AP1S2: variants seen among roughly 807,000 people sequenced by gnomAD.
The protein encoded by AP1S2 is adaptor related protein complex 1 subunit sigma 2.
Under a neutral mutation model 14.3 loss-of-function variants are expected in AP1S2, and 1 was observed. The observed-to-expected ratio is 0.07, with a 90% confidence interval of 0.02 to 0.33. The LOEUF (loss-of-function observed/expected upper bound fraction) is 0.33, where lower values mean the gene tolerates loss of function less well. Among genes scored for constraint, AP1S2 ranks in the 10% least tolerant of loss-of-function variants. The probability of loss-of-function intolerance (pLI) is 0.99; values close to 1 mark genes in which losing one functional copy is unlikely to be tolerated. For synonymous variants in AP1S2, 30 were observed against 40.5 expected (o/e 0.74, Z 0.99); for missense variants, 30 against 117.7 (o/e 0.25, Z 3.45).
chrX:15,854,310 C>G (rs760511267), intron 1 of AP1S2, among the ~76,000 whole-genome samples: 2 of 112,025 alleles, frequency 1.8e-5, no homozygotes, highest in Admixed American at 9.3e-5. Flanking sequence ...TGACCAAGCC[C>G]GGGAGAGGTG....
chrX:15,831,858 T>C (rs1216155324), intron 4 of AP1S2: 2 of 732,151 alleles, frequency 2.7e-6, no homozygotes, highest in Non-Finnish European at 3.2e-6. Context: ...GAAAAGATTT[T>C]CAGTGTAAGT....
intron 2 of AP1S2, among the ~76,000 whole-genome samples, chrX:15,850,371 G>A (rs186523071): frequency 4.3e-4 from 47 of 110,321 alleles, no homozygotes; most frequent in African/African-American, 1.4e-3. Context: ...TGTTGTTGTC[G>A]TTGAGGGTCT....
intron 4 of AP1S2, among the ~76,000 whole-genome samples, chrX:15,834,732 G>A (rs1933578454): frequency 2.0e-5 from 2 of 99,733 alleles, no homozygotes; most frequent in Middle Eastern, 5.1e-3. Flanking sequence ...TGATCCACCC[G>A]CCTCAGCCTC....
chrX:15,835,831 A>G (rs184732978), intron 4 of AP1S2, among the ~76,000 whole-genome samples: 61 of 111,320 alleles, frequency 5.5e-4, no homozygotes, highest in East Asian at 3.6e-3. Context: ...GCTTGTTTTT[A>G]CACTTCTGGA....
chrX:15,850,112 C>T (rs145737243), intron 2 of AP1S2, among the ~76,000 whole-genome samples: 1,564 of 111,519 alleles, frequency 0.014, 15 homozygotes, highest in Non-Finnish European at 0.022. Flanking sequence ...GTCCCTTCTT[C>T]ATCTCCTTTG....
chrX:15,848,422 C>G (rs1719488462), intron 2 of AP1S2, among the ~76,000 whole-genome samples: 2 of 111,542 alleles, frequency 1.8e-5, no homozygotes, highest in Admixed American at 9.5e-5. Flanking sequence ...GACTCTAGAG[C>G]CCAAGTTTTA....
At chrX:15,837,646 C>T (rs775448013) in intron 4 of AP1S2, among the ~76,000 whole-genome samples, 6 of 90,327 alleles carry the variant, frequency 6.6e-5, no homozygotes, top group East Asian at 3.6e-4. Flanking sequence ...CTTACTCTGT[C>T]GCCAGGCTAG....
chrX:15,844,436 C>T (rs924206198), intron 4 of AP1S2, among the ~76,000 whole-genome samples: 5 of 112,455 alleles, frequency 4.4e-5, no homozygotes, highest in African/African-American at 1.6e-4. Context: ...GGAAAATGAA[C>T]CAGTGAGCCA....
chrX:15,844,618 T>C (rs1044097583), intron 4 of AP1S2, among the ~76,000 whole-genome samples: 2 of 112,467 alleles, frequency 1.8e-5, no homozygotes, highest in Admixed American at 1.9e-4. Context: ...TGAATTAAGG[T>C]ATCATTAAGT....
chrX:15,854,273 C>A (rs1183895346), intron 1 of AP1S2, among the ~76,000 whole-genome samples: 1 of 111,579 alleles, frequency 9.0e-6, no homozygotes, highest in Non-Finnish European at 1.9e-5. Context: ...GTGCCTCCCC[C>A]CCACTCCCGT....
At chrX:15,834,456 A>ATATATG (rs1933543970) in intron 4 of AP1S2, among the ~76,000 whole-genome samples, 2 of 30,630 alleles carry the variant, frequency 6.5e-5, no homozygotes, top group Non-Finnish European at 1.1e-4. Context: ...ATATATATAT[A>ATATATG]TATATATATA....
intron 4 of AP1S2, among the ~76,000 whole-genome samples, chrX:15,834,331 G>GA (rs1160100860): frequency 1.1e-4 from 10 of 95,150 alleles, no homozygotes; most frequent in African/African-American, 2.7e-4. Context: ...ATGAATTAAA[G>GA]AAAAAAAAAG....
intron 1 of AP1S2, 43 bp from the exon 2 acceptor site, chrX:15,852,567 A>G (rs1476136956): frequency 3.3e-5 from 37 of 1,127,322 alleles, no homozygotes; most frequent in Non-Finnish European, 4.3e-5. Flanking sequence ...AATACTTTGA[A>G]TCAATAAAGT....
At chrX:15,831,824 C>T (rs1378675303) in intron 4 of AP1S2, 1 of 703,964 alleles carries the variant, frequency 1.4e-6, no homozygotes, top group East Asian at 1.6e-4. Flanking sequence ...AATCCTAAAA[C>T]ACTATATTTA....
At chrX:15,853,183 A>C (rs2147328968) in intron 1 of AP1S2, among the ~76,000 whole-genome samples, 1 of 112,888 alleles carries the variant, frequency 8.9e-6, no homozygotes, top group East Asian at 2.8e-4. Context: ...TTAATGTATT[A>C]TGAAAAAGAA....
In AP1S2 at chrX:15,854,741, C is replaced by A; in HGVS notation, c.-54G>T. On this transcript the variant is annotated 5_prime_UTR_variant, in exon 1 of 6. Coordinates refer to ENST00000672987, the MANE Select transcript of AP1S2 (RefSeq NM_001272071.2). Reference sequence around the variant, plus strand: ...GCTTGGCCGGCGGCGGCGGCGGCGGCGAAGGGGAAGCCCCTGTCGCCGTGC... The same window carrying A: ...GCTTGGCCGGCGGCGGCGGCGGCGGAGAAGGGGAAGCCCCTGTCGCCGTGC... The A allele has an allele frequency of 1.2e-6, 1 of 802,042 alleles. No homozygotes were observed. The highest frequency in any genetic ancestry group is 4.3e-5 in the South Asian group (1 of 23,130). 66.1% of individuals were successfully genotyped at this position (802,042 alleles called of 1,213,427 possible). A position where few individuals can be genotyped will look rare whatever the true frequency, so the allele number is the denominator to read the frequency against.
chrX:15,837,718 T>G (rs1321834352), intron 4 of AP1S2, among the ~76,000 whole-genome samples: 1 of 106,693 alleles, frequency 9.4e-6, no homozygotes, highest in African/African-American at 3.4e-5. Context: ...GCGATTCTCC[T>G]GCCTCAGCCT....
intron 4 of AP1S2, chrX:15,831,264 A>G: frequency 1.3e-6 from 1 of 748,078 alleles, no homozygotes; most frequent in East Asian, 1.5e-4. Flanking sequence ...ATATTACTCA[A>G]AACACTTCTA....
intron 4 of AP1S2, chrX:15,833,510 A>G (rs1024161138): frequency 4.6e-6 from 4 of 861,111 alleles, no homozygotes; most frequent in Non-Finnish European, 5.7e-6. Context: ...ACATCCTTCA[A>G]GAAGAAAAGA....
Sources: gnomAD v4.1 joint callset for allele counts (sites outside exome capture counted in the v4.1 genomes callset) on GRCh38, gnomAD v4.1.1 for gene constraint, MANE v1.5 for transcripts, NCBI Gene and HGNC (gene_info 2026-07-23, HGNC 2026-07-21) for gene names.